The following SMPD4 variants were observed in gnomAD, a reference collection of about 807,000 sequenced individuals.
The protein encoded by SMPD4 is sphingomyelin phosphodiesterase 4, also known as neutral sphingomyelinase 3.
Under a neutral mutation model 97.8 loss-of-function variants are expected in SMPD4, and 58 were observed. The observed-to-expected ratio is 0.59, with a 90% CI of 0.48 to 0.74. The LOEUF is 0.74. Among genes scored for constraint, SMPD4 ranks in the 30% least tolerant of loss-of-function variants. The pLI is 0.00. For synonymous variants in SMPD4, 388 were observed against 450.0 expected (o/e 0.86, Z 1.74); for missense variants, 853 against 1,080.5 (o/e 0.79, Z 2.95).
rs755309276 is a variant in SMPD4 at position 130,173,368 on chromosome 2, T to C, written c.270-14A>G. 1 of 1,610,912 alleles carries C rather than the reference T, an allele frequency of 6.2e-7. No homozygotes were observed. Among genetic ancestry groups the C allele is most frequent in the Non-Finnish European group, 8.5e-7 (1 of 1,178,932 alleles). ...ATCATTGGGCCACTGAACACGAAATTGAACAAACAAACAAAAACAGGGCAA... is the reference window on the plus strand; with the variant it reads ...ATCATTGGGCCACTGAACACGAAATCGAACAAACAAACAAAAACAGGGCAA... On this transcript the variant is annotated splice_polypyrimidine_tract_variant and intron_variant, in intron 4 of 19. Coordinates refer to ENST00000680298, the MANE Select transcript of SMPD4 (RefSeq NM_017951.5).
intron 11 of SMPD4, among the ~76,000 whole-genome samples, chr2:130,160,902 G>A (rs973705572): frequency 3.3e-5 from 5 of 152,290 alleles, no homozygotes; most frequent in African/African-American, 1.2e-4. Context: ...CAACACTGGA[G>A]AGCTTGTGAC....
chr2:130,168,883 G>A (rs895826016), intron 8 of SMPD4, among the ~76,000 whole-genome samples: 2 of 151,610 alleles, frequency 1.3e-5, no homozygotes, highest in South Asian at 4.2e-4. Context: ...CACCACACCT[G>A]GTTATTTTTA....
At chr2:130,181,411 G>GA (rs572185287) in intron 1 of SMPD4, 119 bp downstream of exon 1, 1 of 1,491,508 alleles carries the variant, frequency 6.7e-7, no homozygotes, top group Non-Finnish European at 8.9e-7. Flanking sequence ...TGCCTGGGCA[G>GA]AGCCGGCTGG....
Position 130,152,902 on chromosome 2 carries a change from G to A in SMPD4, c.2155-18C>T. ...CCTGCAAACTGAAGCACAGACAGAG[G>A]CACGGGGATGTGGGGTGGTGGCACC... On this transcript the variant is annotated intron_variant, in intron 19 of 19. Coordinates refer to ENST00000680298, the MANE Select transcript of SMPD4 (RefSeq NM_017951.5). 2.5e-6 allele frequency: 4 copies of A among 1,570,180 alleles called. No individual in the cohort carries two copies. Among genetic ancestry groups the A allele is most frequent in the Non-Finnish European group, 3.5e-6 (4 of 1,156,272 alleles).
intron 11 of SMPD4, among the ~76,000 whole-genome samples, chr2:130,159,156 C>G (rs1226569304): frequency 6.6e-6 from 1 of 152,112 alleles, no homozygotes; most frequent in African/African-American, 2.4e-5. Flanking sequence ...ACCACCACAC[C>G]AGGCTAATTT....
At chr2:130,166,743 G>A (rs1687965374) in intron 9 of SMPD4, among the ~76,000 whole-genome samples, 1 of 152,234 alleles carries the variant, frequency 6.6e-6, no homozygotes, top group Non-Finnish European at 1.5e-5. Flanking sequence ...CAGGAAGTGA[G>A]CCAGCCCATA....
At chr2:130,158,184 C>T in intron 11 of SMPD4, 1 of 1,278,730 alleles carries the variant, frequency 7.8e-7, no homozygotes, top group Non-Finnish European at 1.0e-6. Flanking sequence ...TTCCTCCCAC[C>T]TGCTCCTCAT....
chr2:130,154,177 C>T (rs1157511084), intron 16 of SMPD4, 100 bp downstream of exon 16: 3 of 1,382,616 alleles, frequency 2.2e-6, no homozygotes, highest in East Asian at 2.5e-5. Flanking sequence ...CAAATCTATA[C>T]CCAGCCTCCC....
At chr2:130,163,899 G>A (rs544738559) in intron 10 of SMPD4, among the ~76,000 whole-genome samples, 57 of 152,238 alleles carry the variant, frequency 3.7e-4, no homozygotes, top group Non-Finnish European at 5.1e-4. Context: ...CACTCGCCAC[G>A]AGAAGGGCTG....
At chr2:130,159,536 G>A (rs1268288743) in intron 11 of SMPD4, 1 of 151,904 alleles carries the variant, frequency 6.6e-6, no homozygotes, top group African/African-American at 2.4e-5. Context: ...TACTCAAGAG[G>A]CTGAGGCAGA....
rs1477576501 is a variant in SMPD4, at chr2:130,164,396, T to C, written c.842A>G (p.Lys281Arg). 1 of 1,614,002 alleles carries C rather than the reference T, an allele frequency of 6.2e-7. No homozygotes were observed. The highest frequency in any genetic ancestry group is 1.3e-5 in the African/African-American group (1 of 74,920). The change falls in exon 10 of 20, where the codon AAA becomes AGA. Residue 281 changes from lysine to arginine, a missense_variant. This residue lies in a region of SMPD4 where 313 missense variants were observed against 402.2 expected (regional missense o/e 0.78). Coordinates refer to ENST00000680298, the MANE Select transcript of SMPD4 (RefSeq NM_017951.5). ...LHHYSLEMYQ[K>R]MQSPHAKLEV... ...TACCTTGGCATGAGGGGACTGCATT[T>C]TTTGATACATCTCCAAGGAATAGTG... is the stretch of plus-strand genomic sequence containing the variant.
chr2:130,176,196 T>C (rs1473671774), intron 2 of SMPD4, among the ~76,000 whole-genome samples: 1 of 152,252 alleles, frequency 6.6e-6, no homozygotes, highest in Non-Finnish European at 1.5e-5. Flanking sequence ...TTTTCACTGA[T>C]GACAGTTATG....
In SMPD4 at chr2:130,152,401, T is replaced by C. The variant is rs1686317614; in HGVS notation, c.*154A>G. 1 of 859,638 alleles carries C rather than the reference T, an allele frequency of 1.2e-6. No individual in the cohort carries two copies. The highest frequency in any genetic ancestry group is 2.9e-5 in the Admixed American group (1 of 33,968). 53.3% of individuals were successfully genotyped at this position (859,638 alleles called of 1,614,324 possible). On this transcript the variant is annotated 3_prime_UTR_variant, in exon 20 of 20. Coordinates refer to ENST00000680298, the MANE Select transcript of SMPD4 (RefSeq NM_017951.5). ...CACCTGCCTTCCTTTCTTGGTTGCG[T>C]TTCCTCCAGATGCCTCTGCGGCTGC...
rs749639958 is a variant in SMPD4, at chr2:130,181,492, C to A, written c.-46+38G>T. 5.7e-6 allele frequency: 9 copies of A among 1,572,572 alleles called. No individual in the cohort carries two copies. The South Asian group carries it at 5.8e-5, about 10-fold the overall frequency. On this transcript the variant is annotated intron_variant, in intron 1 of 19. Coordinates refer to ENST00000680298, the MANE Select transcript of SMPD4 (RefSeq NM_017951.5). ...CAGGGGCTCGGGGAAGCCCCCAGGG[C>A]GCCGGACCGTCTCAGGCGCGCATCC...
intron 11 of SMPD4, 114 bp downstream of exon 11, chr2:130,161,072 C>T (rs1687352620): frequency 5.0e-6 from 5 of 1,008,258 alleles, no homozygotes; most frequent in South Asian, 4.6e-5. Context: ...ACAGGGGCTT[C>T]GTTCTGCTTG....
intron 1 of SMPD4, 125 bp from the exon 2 acceptor site, chr2:130,176,762 A>G: frequency 1.4e-6 from 1 of 694,454 alleles, no homozygotes; most frequent in Non-Finnish European, 2.4e-6. Context: ...ATCATAGCTC[A>G]CTGCAACCTC....
At chr2:130,168,477 A>G (rs1688134282) in intron 8 of SMPD4, among the ~76,000 whole-genome samples, 1 of 152,148 alleles carries the variant, frequency 6.6e-6, no homozygotes, top group Admixed American at 6.6e-5. Flanking sequence ...TGTTAATACT[A>G]CTGATAATTA....
chr2:130,156,710 C>A (rs554961721), intron 12 of SMPD4, 35 bp from the exon 13 acceptor site: 18 of 1,600,150 alleles, frequency 1.1e-5, no homozygotes, highest in Non-Finnish European at 1.5e-5. Context: ...TGCTGCTTGC[C>A]CAGTAAGGAG....
At chr2:130,171,671 G>C (rs1688476908) in intron 8 of SMPD4, among the ~76,000 whole-genome samples, 1 of 152,172 alleles carries the variant, frequency 6.6e-6, no homozygotes, top group Non-Finnish European at 1.5e-5. Context: ...GTAAAGGCCT[G>C]GCCTGCCTTA....
Sources: gnomAD v4.1 joint callset for allele counts (sites outside exome capture counted in the v4.1 genomes callset) on GRCh38, gnomAD v4.1.1 for gene constraint, gnomAD v4.1.1 regional missense constraint, MANE v1.5 for transcripts, NCBI Gene and HGNC (gene_info 2026-07-23, HGNC 2026-07-21) for gene names.